Variants in PTPRG observed in about 807,000 individuals in gnomAD.
PTPRG encodes the protein receptor-type tyrosine-protein phosphatase gamma.
PTPRG carries 102 observed loss-of-function variants against 165.3 expected under a neutral mutation model. The observed-to-expected ratio is 0.62, with a 90% confidence interval of 0.53 to 0.73. The LOEUF is 0.73. Among genes scored for constraint, PTPRG ranks in the 30% least tolerant of loss-of-function variants. PTPRG has a pLI of 0.00. For missense variants in PTPRG, 1,866 were observed against 1,861.4 expected, an observed-to-expected ratio of 1.00 and a Z score of -0.05; for synonymous variants, 675 against 669.5, an observed-to-expected ratio of 1.01 and a Z score of -0.13.
intron 1 of PTPRG, among the ~76,000 whole-genome samples, chr3:61,672,742 GA>G (rs1559550748): frequency 9.6e-5 from 13 of 135,408 alleles, no homozygotes; most frequent in African/African-American, 4.4e-4. Context: ...TGGGGAGAGG[GA>G]GAGGGAGAGG....
At chr3:61,737,476 T>C (rs1369595883) in intron 1 of PTPRG, among the ~76,000 whole-genome samples, 3 of 152,170 alleles carry the variant, frequency 2.0e-5, no homozygotes, top group Non-Finnish European at 4.4e-5. Context: ...TAGGAGCTAC[T>C]TAAGCAGATG....
rs547219332 is a variant in PTPRG, at chr3:61,941,866, G to A, written c.191-47759G>A. Among the ~76,000 whole-genome samples, 549 of 151,248 alleles carry A rather than the reference G, an allele frequency of 3.6e-3. 4 individuals carry two copies. The highest frequency in any genetic ancestry group is 0.013 in the African/African-American group (524 of 41,198). On this transcript the variant is annotated intron_variant, in intron 2 of 29. Coordinates refer to ENST00000474889, the MANE Select transcript of PTPRG (RefSeq NM_002841.4). Reference sequence around the variant, plus strand: ...ATAGATTTTTTTTTTTCTTTAGAAAGCCAGAATGCTGGCCAGGTGCGGTGG... The same window carrying A: ...ATAGATTTTTTTTTTTCTTTAGAAAACCAGAATGCTGGCCAGGTGCGGTGG...
At chr3:61,672,890 G>A (rs1408181665) in intron 1 of PTPRG, among the ~76,000 whole-genome samples, 1 of 151,764 alleles carries the variant, frequency 6.6e-6, no homozygotes, top group African/African-American at 2.4e-5. Context: ...CCGGTGTGGG[G>A]GCACAACACC....
chr3:62,156,352 C>T (rs1704537149), intron 6 of PTPRG, among the ~76,000 whole-genome samples: 1 of 152,168 alleles, frequency 6.6e-6, no homozygotes, highest in Admixed American at 6.5e-5. Context: ...CCATTCCATG[C>T]CTTGCTTTCC....
chr3:61,986,832 A>G (rs940590349), intron 2 of PTPRG, among the ~76,000 whole-genome samples: 4 of 152,200 alleles, frequency 2.6e-5, no homozygotes, highest in South Asian at 4.1e-4. Flanking sequence ...TAGATGGGTA[A>G]TATCATGTCT....
chr3:62,232,332 T>C (rs1214840516), intron 14 of PTPRG, among the ~76,000 whole-genome samples: 1 of 152,194 alleles, frequency 6.6e-6, no homozygotes, highest in African/African-American at 2.4e-5. Context: ...CAATAACTGC[T>C]AACACTGGTA....
At chr3:62,052,632 C>A (rs1700501930) in intron 4 of PTPRG, among the ~76,000 whole-genome samples, 1 of 152,082 alleles carries the variant, frequency 6.6e-6, no homozygotes, top group Non-Finnish European at 1.5e-5. Context: ...GAGTTCCAGG[C>A]TGCAGTGAGC....
chr3:62,019,708 T>C (rs1194805952), intron 4 of PTPRG, among the ~76,000 whole-genome samples: 2 of 152,130 alleles, frequency 1.3e-5, no homozygotes, highest in African/African-American at 4.8e-5. Flanking sequence ...ATTAGCTTGA[T>C]TGAGTCATTC....
chr3:62,201,322 A>G (rs543273710), intron 10 of PTPRG, among the ~76,000 whole-genome samples, 183 bp from the exon 11 acceptor site: 3 of 152,224 alleles, frequency 2.0e-5, no homozygotes, highest in Admixed American at 6.5e-5. Context: ...AGCTCTCCGC[A>G]TGTTTTTGTA....
At chr3:62,074,546 G>A (rs1701321692) in intron 4 of PTPRG, among the ~76,000 whole-genome samples, 1 of 151,660 alleles carries the variant, frequency 6.6e-6, no homozygotes, top group African/African-American at 2.4e-5. Flanking sequence ...TCACTGTGTT[G>A]CCCAGGCTGG....
chr3:62,004,700 C>T (rs1390136862), intron 4 of PTPRG, among the ~76,000 whole-genome samples: 2 of 152,190 alleles, frequency 1.3e-5, no homozygotes, highest in African/African-American at 2.4e-5. Context: ...CTAGACCGAA[C>T]CCCTGGTGTT....
chr3:61,663,297 C>T (rs1209955575), intron 1 of PTPRG, among the ~76,000 whole-genome samples: 2 of 152,106 alleles, frequency 1.3e-5, no homozygotes, highest in Non-Finnish European at 2.9e-5. Flanking sequence ...TTATTTACTC[C>T]CAAATGCCTG....
chr3:62,104,116 C>G (rs1402885378), intron 5 of PTPRG, among the ~76,000 whole-genome samples: 1 of 152,232 alleles, frequency 6.6e-6, no homozygotes, highest in African/African-American at 2.4e-5. Flanking sequence ...ACTTGCTTTA[C>G]TTCCTGCCAA....
chr3:61,687,056 G>A (rs908633120), intron 1 of PTPRG, among the ~76,000 whole-genome samples: 4 of 152,070 alleles, frequency 2.6e-5, no homozygotes, highest in East Asian at 1.9e-4. Flanking sequence ...TGCATCAACC[G>A]TTGACCACTG....
chr3:61,686,533 C>G (rs948071498), intron 1 of PTPRG, among the ~76,000 whole-genome samples: 3 of 152,334 alleles, frequency 2.0e-5, no homozygotes, highest in South Asian at 2.1e-4. Flanking sequence ...TCAGGAAACT[C>G]TGCCCCCAGG....
chr3:61,857,439 C>G (rs2037143444), intron 2 of PTPRG, among the ~76,000 whole-genome samples: 1 of 152,134 alleles, frequency 6.6e-6, no homozygotes, highest in Non-Finnish European at 1.5e-5. Flanking sequence ...TGATGTCTGC[C>G]ATGAATGGGA....
chr3:61,584,366 C>T (rs1453195496), intron 1 of PTPRG, among the ~76,000 whole-genome samples: 1 of 152,210 alleles, frequency 6.6e-6, no homozygotes. Flanking sequence ...CATGTTTTAA[C>T]TACTCCTTAG....
chr3:61,883,513 G>A (rs932621769), intron 2 of PTPRG, among the ~76,000 whole-genome samples: 2 of 151,926 alleles, frequency 1.3e-5, no homozygotes, highest in Admixed American at 6.6e-5. Flanking sequence ...AACTCCTCTC[G>A]TTCCAGAAAA....
intron 4 of PTPRG, among the ~76,000 whole-genome samples, chr3:62,049,058 A>G (rs1700386167): frequency 6.6e-6 from 1 of 152,114 alleles, no homozygotes; most frequent in Non-Finnish European, 1.5e-5. Context: ...ACAACTTTGA[A>G]GTTGATAACC....
Sources: allele counts gnomAD v4.1 joint callset (sites outside exome capture counted in the v4.1 genomes callset), GRCh38; gene constraint gnomAD v4.1.1; transcripts MANE v1.5; gene names NCBI Gene and HGNC (gene_info 2026-07-23, HGNC 2026-07-21).